ITGA11: variants seen among roughly 807,000 people sequenced by gnomAD.
ITGA11 encodes integrin subunit alpha 11, also known as integrin alpha-11.
ITGA11 carries 97 observed loss-of-function variants against 141.9 expected under a neutral mutation model. The observed-to-expected ratio is 0.68, with a 90% confidence interval of 0.58 to 0.81. The LOEUF (loss-of-function observed/expected upper bound fraction) is 0.81, where lower values mean the gene tolerates loss of function less well. Ranked by LOEUF, ITGA11 falls within the 30% of genes least tolerant of loss-of-function variation. The pLI, the probability that ITGA11 is intolerant of heterozygous loss-of-function variation, is 0.00. For missense variants in ITGA11, 1,387 were observed against 1,559.2 expected, an observed-to-expected ratio of 0.89 and a Z score of 1.86; for synonymous variants, 658 against 624.6, an observed-to-expected ratio of 1.05 and a Z score of -0.80.
intron 1 of ITGA11, among the ~76,000 whole-genome samples, chr15:68,412,390 C>T (rs1483055820): frequency 6.6e-6 from 1 of 152,162 alleles, no homozygotes; most frequent in Non-Finnish European, 1.5e-5. Context: ...TGGCCTCCTC[C>T]TGCCTCAGCC....
chr15:68,305,859 G>T lies in ITGA11; in HGVS notation c.3381+1489C>A, dbSNP rs547634924. 3.0e-3 allele frequency among the ~76,000 whole-genome samples: 464 copies of T among 152,222 alleles called. 2 individuals are homozygous for T. The highest frequency in any genetic ancestry group is 5.4e-3 in the Non-Finnish European group (368 of 68,008). ...CCTAGCACACAGCCCAGCATACAGGGGCTTAATTTTGGGGTTGCTGGATTT... is the reference window on the plus strand; with the variant it reads ...CCTAGCACACAGCCCAGCATACAGGTGCTTAATTTTGGGGTTGCTGGATTT... On this transcript the variant is annotated intron_variant, in intron 28 of 29. Coordinates refer to ENST00000315757, the MANE Select transcript of ITGA11 (RefSeq NM_001004439.2). This position sits in a 1 kb window ranked among gnomAD's most constrained non-coding sequence, Gnocchi z 4.6.
chr15:68,424,500 A>G (rs1409322071), intron 1 of ITGA11, among the ~76,000 whole-genome samples: 2 of 152,110 alleles, frequency 1.3e-5, no homozygotes, highest in Non-Finnish European at 2.9e-5. Context: ...CCCAATGTGG[A>G]GAGTGATGAT....
intron 11 of ITGA11, among the ~76,000 whole-genome samples, chr15:68,337,263 C>T (rs758070858): frequency 9.2e-5 from 14 of 152,126 alleles, no homozygotes; most frequent in Non-Finnish European, 1.5e-4. Context: ...GTGGGCAGCA[C>T]CTTTGGTACC....
chr15:68,331,208 C>T (rs2140302651), intron 14 of ITGA11, 97 bp from the exon 15 acceptor site: 1 of 1,160,326 alleles, frequency 8.6e-7, no homozygotes, highest in Non-Finnish European at 1.2e-6. Context: ...AATAGGGAGC[C>T]TGTGTGAAAC....
chr15:68,369,385 A>AGGGG, intron 2 of ITGA11, 101 bp from the exon 3 acceptor site: 3 of 27,076 alleles, frequency 1.1e-4, no homozygotes, highest in Non-Finnish European at 2.4e-4. Context: ...TTGGGTGGGG[A>AGGGG]GGGTGGGAGG....
chr15:68,315,589 A>C, intron 22 of ITGA11, 62 bp downstream of exon 22: 1 of 1,384,434 alleles, frequency 7.2e-7, no homozygotes, highest in Non-Finnish European at 1.0e-6. Flanking sequence ...AGTTGCTAGC[A>C]GCCAGAGAGC....
intron 5 of ITGA11, among the ~76,000 whole-genome samples, chr15:68,360,302 G>GTTATTT (rs961584075): frequency 1.3e-5 from 2 of 152,138 alleles, no homozygotes; most frequent in African/African-American, 4.8e-5. Context: ...CTTTTAACAG[G>GTTATTT]TTATTTTTAT....
intron 4 of ITGA11, among the ~76,000 whole-genome samples, chr15:68,362,237 C>T (rs1895267059): frequency 6.6e-6 from 1 of 152,206 alleles, no homozygotes; most frequent in African/African-American, 2.4e-5. Context: ...ACACTGATGT[C>T]AGTCCCCATT....
intron 1 of ITGA11, among the ~76,000 whole-genome samples, chr15:68,414,137 G>A (rs992337248): frequency 2.6e-5 from 4 of 152,180 alleles, no homozygotes; most frequent in African/African-American, 7.2e-5. Context: ...CTGAAACCTC[G>A]ATGAGGAGAC....
chr15:68,401,233 C>T (rs1896502410), intron 2 of ITGA11, among the ~76,000 whole-genome samples: 1 of 151,746 alleles, frequency 6.6e-6, no homozygotes, highest in Non-Finnish European at 1.5e-5. Flanking sequence ...CATGTCACAA[C>T]CAGAAGGCTC....
chr15:68,382,548 C>G (rs1203947490), intron 2 of ITGA11, among the ~76,000 whole-genome samples: 1 of 152,244 alleles, frequency 6.6e-6, no homozygotes, highest in African/African-American at 2.4e-5. Context: ...ACCATTCTCT[C>G]CCTCCCTTTC....
intron 5 of ITGA11, among the ~76,000 whole-genome samples, chr15:68,360,750 CCT>C (rs1366379553): frequency 1.3e-5 from 2 of 152,176 alleles, no homozygotes; most frequent in East Asian, 3.9e-4. Context: ...TCTGCCATTT[CCT>C]CTGTCATTTT....
At chr15:68,365,211 T>A in intron 3 of ITGA11, 1 of 985,440 alleles carries the variant, frequency 1.0e-6, no homozygotes, top group East Asian at 1.1e-4. Context: ...CCATCCACAC[T>A]TAACCAGTCC....
At chr15:68,420,551 A>G (rs1019567595) in intron 1 of ITGA11, among the ~76,000 whole-genome samples, 2 of 152,228 alleles carry the variant, frequency 1.3e-5, no homozygotes, top group African/African-American at 4.8e-5. Context: ...TGGACAGGGA[A>G]AAGTCAGGAC....
chr15:68,364,647 A>ACCCCACCCCCC, intron 4 of ITGA11, 60 bp downstream of exon 4: 13 of 904,770 alleles, frequency 1.4e-5, no homozygotes, highest in African/African-American at 4.9e-5. Context: ...GAGACGCTCC[A>ACCCCACCCCCC]CCCCTCCCCA....
chr15:68,371,815 C>G (rs1895599522), intron 2 of ITGA11, among the ~76,000 whole-genome samples: 1 of 151,862 alleles, frequency 6.6e-6, no homozygotes, highest in African/African-American at 2.4e-5. Flanking sequence ...AGTCACGTGT[C>G]CTGGCAGTGG....
intron 4 of ITGA11, among the ~76,000 whole-genome samples, 161 bp downstream of exon 4, chr15:68,364,546 G>A (rs1369743421): frequency 6.6e-6 from 1 of 152,218 alleles, no homozygotes; most frequent in Non-Finnish European, 1.5e-5. Context: ...AGCTGGCGGG[G>A]GAGCTGCTTC....
intron 1 of ITGA11, among the ~76,000 whole-genome samples, chr15:68,412,591 C>T (rs938488151): frequency 6.6e-6 from 1 of 151,624 alleles, no homozygotes; most frequent in East Asian, 1.9e-4. Context: ...ATGACACGAA[C>T]TCCCCGTTAG....
Position 68,298,984 on chromosome 15 carries a change from G to A in ITGA11, c.*4075C>T, listed in dbSNP as rs147616904. The stretch of plus-strand genomic sequence containing the variant: ...GAGCCCGGGAGGCAGAGGCTGCCGT[G>A]AGCTGTGATGGTGCCGCTGCACTCT... On this transcript the variant is annotated 3_prime_UTR_variant, in exon 30 of 30. Transcript: ENST00000315757. 6.6e-6 allele frequency: 1 copy of A among 152,278 alleles called. No homozygotes were observed. The highest frequency in any genetic ancestry group is 2.4e-5 in the African/African-American group (1 of 41,522). 9.4% of individuals were successfully genotyped at this position (152,278 alleles called of 1,614,324 possible).
Sources: allele counts gnomAD v4.1 joint callset (sites outside exome capture counted in the v4.1 genomes callset), GRCh38; gene constraint gnomAD v4.1.1; non-coding constraint Gnocchi (gnomAD v3.1); transcripts MANE v1.5; gene names NCBI Gene and HGNC (gene_info 2026-07-23, HGNC 2026-07-21).